Variants in ASPH observed in about 807,000 individuals in gnomAD.
ASPH encodes the protein aspartyl/asparaginyl beta-hydroxylase.
Under a neutral mutation model 118.4 loss-of-function variants are expected in ASPH, and 100 were observed. That is an observed-to-expected ratio of 0.84 (90% CI 0.72 to 1.00). The LOEUF is 1.00. Among genes scored for constraint, ASPH ranks in the 50% least tolerant of loss-of-function variants. The pLI, the probability that ASPH is intolerant of heterozygous loss-of-function variation, is 0.00. For missense variants in ASPH, 920 were observed against 919.5 expected, an observed-to-expected ratio of 1.00 and a Z score of -0.01; for synonymous variants, 315 against 325.6, an observed-to-expected ratio of 0.97 and a Z score of 0.35.
At chr8:61,645,030 A>G (rs1807208117) in intron 6 of ASPH, among the ~76,000 whole-genome samples, 1 of 152,222 alleles carries the variant, frequency 6.6e-6, no homozygotes, top group Non-Finnish European at 1.5e-5. Flanking sequence ...GGAACAGAGA[A>G]AAACAGCTGA....
intron 20 of ASPH, 33 bp downstream of exon 20, chr8:61,552,998 T>C: frequency 1.3e-6 from 2 of 1,499,458 alleles, no homozygotes; most frequent in South Asian, 1.1e-5. Context: ...CCATCCTCTG[T>C]TAGAGAGAAT....
chr8:61,710,995 C>T (rs997515416), intron 1 of ASPH, among the ~76,000 whole-genome samples: 1 of 152,148 alleles, frequency 6.6e-6, no homozygotes, highest in Non-Finnish European at 1.5e-5. Flanking sequence ...GCTCAATCTA[C>T]TGAGACACCT....
chr8:61,529,168 C>T (rs1335980450), intron 21 of ASPH, among the ~76,000 whole-genome samples: 1 of 152,184 alleles, frequency 6.6e-6, no homozygotes, highest in African/African-American at 2.4e-5. Context: ...CCCCTCTGTA[C>T]TATCTCCTCC....
intron 24 of ASPH, among the ~76,000 whole-genome samples, chr8:61,515,645 A>T (rs1810628333): frequency 6.6e-6 from 1 of 152,128 alleles, no homozygotes; most frequent in Non-Finnish European, 1.5e-5. Context: ...ATGGTTCTAC[A>T]AGTGTGTTCC....
At chr8:61,521,119 T>C (rs1439458281) in intron 22 of ASPH, among the ~76,000 whole-genome samples, 2 of 152,138 alleles carry the variant, frequency 1.3e-5, no homozygotes, top group Non-Finnish European at 2.9e-5. Context: ...TGAGAGTGCC[T>C]CATTTGATGT....
At chr8:61,675,731 C>A in intron 3 of ASPH, 1 of 1,058,164 alleles carries the variant, frequency 9.5e-7, no homozygotes, top group East Asian at 7.3e-5. Flanking sequence ...AAGGGTTAAC[C>A]ACAACACAAT....
intron 1 of ASPH, among the ~76,000 whole-genome samples, chr8:61,699,122 G>A (rs990853658): frequency 6.6e-6 from 1 of 152,224 alleles, no homozygotes; most frequent in Non-Finnish European, 1.5e-5. Context: ...ATTATAGCTG[G>A]TGCCTGAAGT....
intron 1 of ASPH, among the ~76,000 whole-genome samples, chr8:61,686,111 G>A: frequency 6.6e-6 from 1 of 152,248 alleles, no homozygotes; most frequent in East Asian, 1.9e-4. Flanking sequence ...CAGAACCAGA[G>A]TTGTAAATAA....
chr8:61,679,948 A>T (rs1458007431), intron 3 of ASPH, among the ~76,000 whole-genome samples: 8 of 149,284 alleles, frequency 5.4e-5, no homozygotes, highest in Non-Finnish European at 1.0e-4. Flanking sequence ...ATAATAAAAA[A>T]AAAAAAAAAA....
intron 10 of ASPH, among the ~76,000 whole-genome samples, chr8:61,640,143 A>C (rs1804435918): frequency 6.6e-6 from 1 of 152,194 alleles, no homozygotes; most frequent in Non-Finnish European, 1.5e-5. Flanking sequence ...CATGGTTCTC[A>C]GTAGCGCAGG....
At chr8:61,690,405 G>T (rs1397447419) in intron 1 of ASPH, among the ~76,000 whole-genome samples, 1 of 152,142 alleles carries the variant, frequency 6.6e-6, no homozygotes, top group African/African-American at 2.4e-5. Context: ...GCTGGGAGGT[G>T]AGGAGAGGGA....
intron 13 of ASPH, among the ~76,000 whole-genome samples, chr8:61,623,163 A>T (rs1288464299): frequency 6.6e-6 from 1 of 151,944 alleles, no homozygotes; most frequent in Non-Finnish European, 1.5e-5. Context: ...ACTAATTTAC[A>T]CTCCCACTAA....
chr8:61,711,334 CTTCT>C (rs1838011869), intron 1 of ASPH, among the ~76,000 whole-genome samples: 1 of 152,056 alleles, frequency 6.6e-6, no homozygotes, highest in African/African-American at 2.4e-5. Flanking sequence ...CATCATGATC[CTTCT>C]TTGTCAAACT....
intron 9 of ASPH, 73 bp from the exon 10 acceptor site, chr8:61,642,993 A>C: frequency 7.6e-7 from 1 of 1,315,236 alleles, no homozygotes; most frequent in Non-Finnish European, 1.0e-6. Flanking sequence ...CAGTTAAAAC[A>C]AAATACTACT....
chr8:61,633,806 T>C, intron 12 of ASPH, 79 bp from the exon 13 acceptor site: 2 of 956,966 alleles, frequency 2.1e-6, no homozygotes, highest in Non-Finnish European at 3.1e-6. Context: ...ATTTAAGTAA[T>C]GATGATACTT....
chr8:61,634,096 T>C (rs1239266181), intron 12 of ASPH, among the ~76,000 whole-genome samples: 1 of 152,230 alleles, frequency 6.6e-6, no homozygotes, highest in African/African-American at 2.4e-5. Flanking sequence ...TTCTTTAACA[T>C]CAAACACTAT....
chr8:61,631,598 A>G (rs749380600), intron 13 of ASPH: 6 of 152,134 alleles, frequency 3.9e-5, no homozygotes, highest in Non-Finnish European at 7.4e-5. Context: ...AAAGTCACCT[A>G]ACGACACACT....
intron 24 of ASPH, among the ~76,000 whole-genome samples, chr8:61,513,671 C>T (rs1480437202): frequency 1.3e-5 from 2 of 152,140 alleles, no homozygotes; most frequent in Admixed American, 6.5e-5. Flanking sequence ...CAAAATACAT[C>T]GTCTGCAAAT....
At chr8:61,651,736 A>T (rs754214570) in intron 4 of ASPH, among the ~76,000 whole-genome samples, 45 of 152,368 alleles carry the variant, frequency 3.0e-4, no homozygotes, top group Admixed American at 1.1e-3. Context: ...GAGATCCATA[A>T]ATTCAAATAA....
Sources: allele counts gnomAD v4.1 joint callset (sites outside exome capture counted in the v4.1 genomes callset), GRCh38; gene constraint gnomAD v4.1.1; transcripts MANE v1.5; gene names NCBI Gene and HGNC (gene_info 2026-07-23, HGNC 2026-07-21).